The following SYT16 variants were observed in gnomAD, a reference collection of about 807,000 sequenced individuals.
SYT16 encodes synaptotagmin-16.
A neutral mutation model predicts 61.4 loss-of-function variants in SYT16; 42 were observed. The ratio of observed to expected loss-of-function variants is 0.68; its 90% CI spans 0.53 to 0.89. SYT16 has a LOEUF of 0.89. Among genes scored for constraint, SYT16 ranks in the 40% least tolerant of loss-of-function variants. SYT16 has a pLI of 0.00. For missense variants in SYT16, 804 were observed against 807.3 expected (o/e 1.00, Z 0.05); for synonymous variants, 314 against 302.3 (o/e 1.04, Z -0.40).
At chr14:61,854,832 T>C (rs376172407) in intron 1 of SYT16, among the ~76,000 whole-genome samples, 11 of 150,516 alleles carry the variant, frequency 7.3e-5, no homozygotes, top group Middle Eastern at 3.4e-3. Flanking sequence ...TTATAAAAAC[T>C]GTTGCTTATT....
intron 3 of SYT16, among the ~76,000 whole-genome samples, chr14:62,039,083 G>A (rs2054614780): frequency 6.6e-6 from 1 of 152,126 alleles, no homozygotes; most frequent in Admixed American, 6.6e-5. Context: ...CCCTAACTTG[G>A]GTTTTTAAAA....
chr14:62,011,878 C>T (rs973430042), intron 3 of SYT16, among the ~76,000 whole-genome samples: 9 of 122,986 alleles, frequency 7.3e-5, no homozygotes, highest in Non-Finnish European at 1.4e-4. Flanking sequence ...TATATATACA[C>T]ACACACACAC....
At chr14:62,072,846 T>C (rs1029155179) in intron 4 of SYT16, among the ~76,000 whole-genome samples, 29 of 152,288 alleles carry the variant, frequency 1.9e-4, no homozygotes, top group African/African-American at 6.7e-4. Flanking sequence ...TTTTATTCCA[T>C]CAAAGTGGGA....
At chr14:61,917,934 A>G (rs1207144615) in intron 1 of SYT16, among the ~76,000 whole-genome samples, 1 of 152,178 alleles carries the variant, frequency 6.6e-6, no homozygotes, top group Non-Finnish European at 1.5e-5. Flanking sequence ...GTCTTAAACA[A>G]TATTTTAAAT....
At position 62,071,824 on chromosome 14, in the gene SYT16, C is replaced by T. The variant is rs116647511; in HGVS notation, c.736+2009C>T. Among the ~76,000 whole-genome samples, 1,045 of 152,218 alleles carry T rather than the reference C, an allele frequency of 6.9e-3. 19 individuals carry two copies. Among genetic ancestry groups the T allele is most frequent in the African/African-American group, 0.023 (950 of 41,510 alleles). On this transcript the variant is annotated intron_variant, in intron 4 of 7. Coordinates refer to ENST00000683842, the MANE Select transcript of SYT16 (RefSeq NM_001367656.1). ...TAAAAATGCATTCAAAAGTGCTGGA[C>T]AGTGAAATTAAAGGGCCAAATCTAA...
At chr14:62,041,150 T>G (rs2054714663) in intron 3 of SYT16, among the ~76,000 whole-genome samples, 1 of 152,212 alleles carries the variant, frequency 6.6e-6, no homozygotes, top group Non-Finnish European at 1.5e-5. Context: ...TTCTTCTGCC[T>G]GCTTTTTATT....
At chr14:61,841,094 G>A (rs1398371691) in intron 1 of SYT16, among the ~76,000 whole-genome samples, 1 of 152,176 alleles carries the variant, frequency 6.6e-6, no homozygotes, top group African/African-American at 2.4e-5. Context: ...CTACTGAAGT[G>A]GGGTAGAAAT....
intron 1 of SYT16, among the ~76,000 whole-genome samples, chr14:61,873,882 G>A (rs1242570136): frequency 6.6e-6 from 1 of 152,148 alleles, no homozygotes; most frequent in Admixed American, 6.5e-5. Flanking sequence ...CGGGATGGTG[G>A]GCCTTTTAAA....
intron 1 of SYT16, among the ~76,000 whole-genome samples, chr14:61,824,407 C>T (rs531385636): frequency 6.6e-6 from 1 of 152,098 alleles, no homozygotes; most frequent in Non-Finnish European, 1.5e-5. Flanking sequence ...GGCTGGAGTG[C>T]AGTGGCAGGA....
intron 1 of SYT16, among the ~76,000 whole-genome samples, chr14:61,957,180 G>A (rs910824919): frequency 1.3e-5 from 2 of 149,198 alleles, no homozygotes; most frequent in Non-Finnish European, 3.0e-5. Context: ...TGAATTCACT[G>A]ATTAGTTCTA....
intron 1 of SYT16, among the ~76,000 whole-genome samples, chr14:61,935,884 T>C (rs2049961868): frequency 6.6e-6 from 1 of 152,228 alleles, no homozygotes; most frequent in South Asian, 2.1e-4. Flanking sequence ...AGTACATTTT[T>C]TCATAATCAT....
intron 3 of SYT16, among the ~76,000 whole-genome samples, chr14:62,043,119 TAGAA>T (rs2054807385): frequency 6.8e-6 from 1 of 148,068 alleles, no homozygotes; most frequent in Non-Finnish European, 1.5e-5. Flanking sequence ...TTTTTTTACA[TAGAA>T]AGTTCTATTT....
At chr14:61,970,798 A>C (rs965900769) in intron 2 of SYT16, among the ~76,000 whole-genome samples, 3 of 152,184 alleles carry the variant, frequency 2.0e-5, no homozygotes, top group African/African-American at 7.2e-5. Flanking sequence ...TCCTGCTCTT[A>C]AAGGACATAT....
In SYT16 at chr14:62,100,451, A is replaced by G; in HGVS notation, c.1682A>G (p.Lys561Arg). 1 of 1,613,378 alleles carries G rather than the reference A, an allele frequency of 6.2e-7. No individual in the cohort carries two copies. Among genetic ancestry groups the G allele is most frequent in the Non-Finnish European group, 8.5e-7 (1 of 1,179,654 alleles). The part of the protein sequence containing the change: ...NSVGQEMSRC[K>R]TSIRRGQPNP... ...GTGGGTCAAGAGATGTCCCGTTGCA[A>G]GACGTCCATTCGGCGTGGTCAGCCC... The change falls in exon 8 of 8, where the codon AAG (lysine) becomes AGG (arginine). Residue 561 changes from lysine (K) to arginine (R), a missense_variant. Lys to Arg is a conservative substitution (Grantham distance 26). Transcript: ENST00000683842.
intron 1 of SYT16, among the ~76,000 whole-genome samples, chr14:61,819,960 C>T (rs2045562482): frequency 6.6e-6 from 1 of 152,188 alleles, no homozygotes; most frequent in Admixed American, 6.5e-5. Flanking sequence ...GCTACAAGAT[C>T]CTTCCAATGG....
At chr14:61,843,803 G>A (rs55954127) in intron 1 of SYT16, among the ~76,000 whole-genome samples, 24,389 of 152,060 alleles carry the variant, frequency 0.16, 2,195 homozygotes, top group African/African-American at 0.25. Context: ...TTTGGTTAGT[G>A]CAGCTCTGTA....
chr14:62,111,098 T>A lies in SYT16; in HGVS notation c.*10391T>A, dbSNP rs1173312717. The A allele has an allele frequency of 6.6e-6, 1 of 152,132 alleles. No homozygotes were observed. The highest frequency in any genetic ancestry group is 1.5e-5 in the Non-Finnish European group (1 of 67,942). The allele number at this position is 152,132 out of a possible 1,614,324, so 9.4% of individuals were successfully genotyped here. A position where few individuals can be genotyped will look rare whatever the true frequency, so the allele number is the denominator to read the frequency against. ...CAAGATAAATCTGACTTTCTCAATA[T>A]TTTTGGTCTTCATATGGCATCTGAA... is the stretch of plus-strand genomic sequence containing the variant. On this transcript the variant is annotated 3_prime_UTR_variant, in exon 8 of 8. Transcript: ENST00000683842.
intron 2 of SYT16, among the ~76,000 whole-genome samples, chr14:61,973,417 C>T (rs1254767058): frequency 2.6e-5 from 4 of 151,912 alleles, no homozygotes; most frequent in Admixed American, 6.6e-5. Context: ...CATTGTTATT[C>T]GAAGTATTTT....
At chr14:62,057,487 C>T (rs927909671) in intron 3 of SYT16, among the ~76,000 whole-genome samples, 2 of 152,080 alleles carry the variant, frequency 1.3e-5, no homozygotes, top group South Asian at 2.1e-4. Context: ...AAAGGTTTGT[C>T]TAGGAACTCA....
Sources: gnomAD v4.1 joint callset for allele counts (sites outside exome capture counted in the v4.1 genomes callset) on GRCh38, gnomAD v4.1.1 for gene constraint, MANE v1.5 for transcripts, NCBI Gene and HGNC (gene_info 2026-07-23, HGNC 2026-07-21) for gene names.